THSD7B: variants seen among roughly 807,000 people sequenced by gnomAD.
THSD7B encodes the protein thrombospondin type-1 domain-containing protein 7B.
THSD7B carries 138 observed loss-of-function variants against 213.6 expected under a neutral mutation model. The observed-to-expected ratio is 0.65, with a 90% CI of 0.56 to 0.74. THSD7B has a LOEUF of 0.74. Ranked by LOEUF, THSD7B falls within the 30% of genes least tolerant of loss-of-function variation. The pLI is 0.00. For missense variants in THSD7B, 1,931 were observed against 1,991.5 expected (o/e 0.97, Z 0.58); for synonymous variants, 742 against 687.0 (o/e 1.08, Z -1.25).
At chr2:137,311,949 A>C (rs1683920930) in intron 12 of THSD7B, among the ~76,000 whole-genome samples, 1 of 144,142 alleles carries the variant, frequency 6.9e-6, no homozygotes, top group Admixed American at 6.9e-5. Flanking sequence ...TTCATCAAGG[A>C]TATTGGTCTA....
chr2:137,676,464 G>A (rs1683701739), intron 27 of THSD7B, 60 bp from the exon 28 acceptor site: 1 of 1,421,426 alleles, frequency 7.0e-7, no homozygotes, highest in Admixed American at 2.6e-5. Flanking sequence ...AATTGTCTTT[G>A]GCAGATGAAA....
At chr2:137,104,728 C>G (rs1289658270) in intron 4 of THSD7B, among the ~76,000 whole-genome samples, 2 of 152,070 alleles carry the variant, frequency 1.3e-5, no homozygotes, top group Non-Finnish European at 2.9e-5. Flanking sequence ...AAGGGGATAT[C>G]ACCACTGATC....
At chr2:137,186,899 G>T (rs976007692) in intron 7 of THSD7B, among the ~76,000 whole-genome samples, 1 of 151,770 alleles carries the variant, frequency 6.6e-6, no homozygotes, top group Non-Finnish European at 1.5e-5. Flanking sequence ...GTGTTTTGTA[G>T]TTCTTTTTAT....
intron 17 of THSD7B, among the ~76,000 whole-genome samples, chr2:137,585,046 T>C (rs561594943): frequency 6.6e-6 from 1 of 152,334 alleles, no homozygotes; most frequent in East Asian, 1.9e-4. Context: ...GGGATTCAAC[T>C]TCTTCCTGGT....
chr2:137,457,798 G>A (rs1414579660), intron 15 of THSD7B, among the ~76,000 whole-genome samples: 4 of 152,092 alleles, frequency 2.6e-5, no homozygotes, highest in Admixed American at 2.0e-4. Context: ...TATACTAAAT[G>A]TACCAGAGGA....
intron 3 of THSD7B, among the ~76,000 whole-genome samples, chr2:137,081,490 A>G (rs1030196466): frequency 1.7e-4 from 26 of 151,898 alleles, no homozygotes; most frequent in Non-Finnish European, 3.7e-4. Flanking sequence ...GTTATTCATA[A>G]TTCAATTTTG....
At chr2:137,226,760 A>G (rs1681515367) in intron 7 of THSD7B, among the ~76,000 whole-genome samples, 1 of 151,832 alleles carries the variant, frequency 6.6e-6, no homozygotes, top group Non-Finnish European at 1.5e-5. Flanking sequence ...ATAAGTAGAA[A>G]CAGGTATTCA....
chr2:137,457,548 A>G (rs1055663801), intron 15 of THSD7B, among the ~76,000 whole-genome samples: 1 of 152,190 alleles, frequency 6.6e-6, no homozygotes, highest in Non-Finnish European at 1.5e-5. Context: ...GCCCTGAAAT[A>G]TTAGATAGCA....
chr2:137,492,966 A>G (rs1358601260), intron 15 of THSD7B, among the ~76,000 whole-genome samples: 1 of 151,462 alleles, frequency 6.6e-6, no homozygotes, highest in Non-Finnish European at 1.5e-5. Context: ...CTAAAAATAT[A>G]AAAAATTAGC....
intron 2 of THSD7B, among the ~76,000 whole-genome samples, chr2:136,933,106 C>CCCTTCCTT (rs1409957040): frequency 3.4e-4 from 34 of 98,974 alleles, no homozygotes; most frequent in African/African-American, 3.9e-4. Context: ...ATTTTGCCCG[C>CCCTTCCTT]CATTCCTTCC....
chr2:136,849,549 G>C (rs1274721522), intron 1 of THSD7B, among the ~76,000 whole-genome samples: 1 of 152,096 alleles, frequency 6.6e-6, no homozygotes, highest in East Asian at 1.9e-4. Context: ...AGAGATTTGA[G>C]GGGAACAGGG....
intron 2 of THSD7B, among the ~76,000 whole-genome samples, chr2:136,892,658 A>C (rs1683883477): frequency 6.6e-6 from 1 of 151,868 alleles, no homozygotes; most frequent in African/African-American, 2.4e-5. Flanking sequence ...GAGAAGTTGA[A>C]TTTTGCTGTC....
intron 1 of THSD7B, among the ~76,000 whole-genome samples, chr2:136,831,006 A>G (rs1350648005): frequency 1.3e-5 from 2 of 152,206 alleles, no homozygotes; most frequent in African/African-American, 4.8e-5. Flanking sequence ...TAAAATGATA[A>G]TCAACTAGTA....
intron 2 of THSD7B, among the ~76,000 whole-genome samples, chr2:136,988,074 TTTAA>T (rs1171607752): frequency 6.6e-6 from 1 of 152,212 alleles, no homozygotes; most frequent in Non-Finnish European, 1.5e-5. Context: ...CACTGAGTTG[TTTAA>T]TTGTCACCAC....
intron 12 of THSD7B, among the ~76,000 whole-genome samples, chr2:137,317,436 T>C (rs1684141759): frequency 6.6e-6 from 1 of 152,210 alleles, no homozygotes; most frequent in African/African-American, 2.4e-5. Flanking sequence ...GGACTATCTA[T>C]TTTTAGAGGA....
chr2:136,777,108 G>C (rs535898093), intron 1 of THSD7B, among the ~76,000 whole-genome samples: 1 of 152,256 alleles, frequency 6.6e-6, no homozygotes, highest in South Asian at 2.1e-4. Context: ...GGTTTCACCA[G>C]TTGCAAAGGT....
chr2:137,593,619 TTAAC>T, intron 17 of THSD7B, among the ~76,000 whole-genome samples: 1 of 152,116 alleles, frequency 6.6e-6, no homozygotes, highest in South Asian at 2.1e-4. Flanking sequence ...TTTAATGAAT[TTAAC>T]TATTTTTATT....
At chr2:136,806,615 A>G (rs1682286221) in intron 1 of THSD7B, among the ~76,000 whole-genome samples, 2 of 152,222 alleles carry the variant, frequency 1.3e-5, no homozygotes, top group African/African-American at 4.8e-5. Context: ...AAGAGTTCCC[A>G]TATACCCAGT....
At chr2:137,531,577 C>T (rs141620587) in intron 15 of THSD7B, among the ~76,000 whole-genome samples, 3 of 151,988 alleles carry the variant, frequency 2.0e-5, no homozygotes, top group Admixed American at 1.3e-4. Context: ...TATAATTATA[C>T]CTTTAATTAC....
Sources: allele counts gnomAD v4.1 joint callset (sites outside exome capture counted in the v4.1 genomes callset), GRCh38; gene constraint gnomAD v4.1.1; transcripts MANE v1.5; gene names NCBI Gene and HGNC (gene_info 2026-07-23, HGNC 2026-07-21).